Variants in GRHL2 observed in about 807,000 individuals in gnomAD.
The protein encoded by GRHL2 is grainyhead like transcription factor 2.
A neutral mutation model predicts 83.8 loss-of-function variants in GRHL2; 21 were observed. That is an observed-to-expected ratio of 0.25 (90% CI 0.18 to 0.36). GRHL2 has a LOEUF of 0.36. Among genes scored for constraint, GRHL2 ranks in the 10% least tolerant of loss-of-function variants. The probability of loss-of-function intolerance (pLI) is 1.00; values close to 1 mark genes in which losing one functional copy is unlikely to be tolerated. For synonymous variants in GRHL2, 280 were observed against 278.9 expected, an observed-to-expected ratio of 1.00 and a Z score of -0.04; for missense variants, 623 against 781.8, an observed-to-expected ratio of 0.80 and a Z score of 2.42.
At chr8:101,523,142 C>T (rs931488082) in intron 1 of GRHL2, among the ~76,000 whole-genome samples, 1 of 151,944 alleles carries the variant, frequency 6.6e-6, no homozygotes, top group African/African-American at 2.4e-5. Context: ...AAACTCCTGG[C>T]CTCAAGTGAT....
chr8:101,620,989 A>C (rs1276461417), intron 9 of GRHL2, among the ~76,000 whole-genome samples: 1 of 152,140 alleles, frequency 6.6e-6, no homozygotes, highest in Non-Finnish European at 1.5e-5. Context: ...GGTGAAAAGG[A>C]AAGAGGTCAA....
intron 12 of GRHL2, among the ~76,000 whole-genome samples, chr8:101,637,367 C>G (rs1813310166): frequency 6.6e-6 from 1 of 152,184 alleles, no homozygotes; most frequent in Non-Finnish European, 1.5e-5. Flanking sequence ...ACACACAACT[C>G]TCAAAGCCCT....
At chr8:101,548,360 G>C in intron 2 of GRHL2, among the ~76,000 whole-genome samples, 1 of 152,168 alleles carries the variant, frequency 6.6e-6, no homozygotes, top group African/African-American at 2.4e-5. Context: ...GGAGGTCAAT[G>C]CTCAAAAAGG....
At chr8:101,584,831 C>T (rs957137638) in intron 7 of GRHL2, among the ~76,000 whole-genome samples, 1 of 146,620 alleles carries the variant, frequency 6.8e-6, no homozygotes, top group Non-Finnish European at 1.5e-5. Flanking sequence ...AGGTGGCTAG[C>T]TGGTCAGGTG....
At chr8:101,676,847 G>T in the GRHL2 span, among the ~76,000 whole-genome samples, 1 of 152,098 alleles carries the variant, frequency 6.6e-6, no homozygotes, top group Admixed American at 6.6e-5. Context: ...TTAAGAAAAT[G>T]GGGCACATAT....
chr8:101,498,567 T>G (rs1810155650), intron 1 of GRHL2, among the ~76,000 whole-genome samples: 1 of 152,198 alleles, frequency 6.6e-6, no homozygotes, highest in Non-Finnish European at 1.5e-5. Flanking sequence ...AGGCTCATGG[T>G]AGCTTGAAGT....
intron 8 of GRHL2, 109 bp downstream of exon 8, chr8:101,599,260 C>T (rs1478178776): frequency 1.3e-6 from 1 of 784,476 alleles, no homozygotes; most frequent in Non-Finnish European, 2.2e-6. Flanking sequence ...AAGAAATGAA[C>T]CTTTCATCTT....
At chr8:101,537,290 G>A (rs1402402432) in intron 1 of GRHL2, among the ~76,000 whole-genome samples, 2 of 152,142 alleles carry the variant, frequency 1.3e-5, no homozygotes, top group African/African-American at 4.8e-5. Flanking sequence ...AAAGCTGTAA[G>A]AACAATGATG....
At chr8:101,635,489 C>G (rs1056701644) in intron 11 of GRHL2, among the ~76,000 whole-genome samples, 3 of 152,178 alleles carry the variant, frequency 2.0e-5, no homozygotes, top group Non-Finnish European at 4.4e-5. Flanking sequence ...GGCCAGCAGT[C>G]AGGCCAGATA....
chr8:101,592,884 A>G (rs1387376154), intron 7 of GRHL2, among the ~76,000 whole-genome samples: 1 of 152,216 alleles, frequency 6.6e-6, no homozygotes, highest in Non-Finnish European at 1.5e-5. Context: ...GACATTAACA[A>G]TGAGATTAAG....
At chr8:101,580,328 T>A (rs770691502) in intron 7 of GRHL2, among the ~76,000 whole-genome samples, 1 of 152,230 alleles carries the variant, frequency 6.6e-6, no homozygotes, top group African/African-American at 2.4e-5. Flanking sequence ...TCTTCTCTTC[T>A]AGCTATTTTG....
intron 7 of GRHL2, among the ~76,000 whole-genome samples, chr8:101,592,470 G>A (rs78369997): frequency 0.011 from 1,682 of 152,218 alleles, 38 homozygotes; most frequent in African/African-American, 0.038. Flanking sequence ...TAATGAAGTT[G>A]TTCCTTTTAA....
At chr8:101,502,010 T>C (rs73701909) in intron 1 of GRHL2, among the ~76,000 whole-genome samples, 2,655 of 132,438 alleles carry the variant, frequency 0.02, 74 homozygotes, top group African/African-American at 0.072. Context: ...AAATTGACTT[T>C]TCTTCCCACA....
chr8:101,550,691 C>T (rs1018691275), intron 2 of GRHL2, among the ~76,000 whole-genome samples: 23 of 152,314 alleles, frequency 1.5e-4, no homozygotes, highest in Middle Eastern at 3.4e-3. Flanking sequence ...GTGCAAACAT[C>T]GCCACCATCT....
At chr8:101,514,709 C>A (rs944974538) in intron 1 of GRHL2, among the ~76,000 whole-genome samples, 3 of 152,156 alleles carry the variant, frequency 2.0e-5, no homozygotes, top group African/African-American at 7.2e-5. Context: ...CCTAACAACT[C>A]GAGCTTTCTG....
chr8:101,531,034 C>T (rs80341381), intron 1 of GRHL2, among the ~76,000 whole-genome samples: 1,722 of 152,106 alleles, frequency 0.011, 33 homozygotes, highest in African/African-American at 0.039. Context: ...AGTCCAAGAC[C>T]AGCCTGGGCA....
chr8:101,653,728 ACT>A (rs1491453504), intron 14 of GRHL2, among the ~76,000 whole-genome samples: 1 of 139,748 alleles, frequency 7.2e-6, no homozygotes, highest in Non-Finnish European at 1.5e-5. Flanking sequence ...GGAGAGAGTG[ACT>A]CTGTCTCAAA....
chr8:101,573,595 T>A (rs1032352898), intron 5 of GRHL2, 73 bp from the exon 6 acceptor site: 1 of 1,548,256 alleles, frequency 6.5e-7, no homozygotes. Flanking sequence ...TGAAATGCTA[T>A]GATGTGAAAT....
chr8:101,608,654 A>G (rs1254699379), intron 8 of GRHL2, among the ~76,000 whole-genome samples: 2 of 152,136 alleles, frequency 1.3e-5, no homozygotes, highest in Non-Finnish European at 2.9e-5. Context: ...AAAGACTAAT[A>G]CATTTGATAC....
Sources: gnomAD v4.1 joint callset for allele counts (sites outside exome capture counted in the v4.1 genomes callset) on GRCh38, gnomAD v4.1.1 for gene constraint, MANE v1.5 for transcripts, NCBI Gene and HGNC (gene_info 2026-07-23, HGNC 2026-07-21) for gene names.